CLSTN1: variants seen among roughly 807,000 people sequenced by gnomAD.
The protein encoded by CLSTN1 is calsyntenin 1, also known as calsyntenin-1.
CLSTN1 carries 28 observed loss-of-function variants against 108.3 expected under a neutral mutation model. The observed-to-expected ratio is 0.26, with a 90% confidence interval of 0.19 to 0.35. The LOEUF is 0.35. Among genes scored for constraint, CLSTN1 ranks in the 10% least tolerant of loss-of-function variants. The pLI, the probability that CLSTN1 is intolerant of heterozygous loss-of-function variation, is 1.00. For missense variants in CLSTN1, 1,157 were observed against 1,302.6 expected (o/e 0.89, Z 1.72); for synonymous variants, 524 against 534.9 (o/e 0.98, Z 0.28).
chr1:9,731,938 G>A, intron 16 of CLSTN1, 42 bp from the exon 17 acceptor site: 1 of 1,612,554 alleles, frequency 6.2e-7, no homozygotes, highest in Non-Finnish European at 8.5e-7. Context: ...CAGGCATCCT[G>A]AGCCTGTCCA....
At chr1:9,797,536 G>A (rs1335156023) in intron 1 of CLSTN1, among the ~76,000 whole-genome samples, 1 of 152,122 alleles carries the variant, frequency 6.6e-6, no homozygotes, top group Non-Finnish European at 1.5e-5. Context: ...ATCTACTTGG[G>A]AGGCTCAGGC....
In CLSTN1 at chr1:9,749,612, G is replaced by T. The variant is rs760385634; in HGVS notation, c.834C>A (p.Thr278=). ...WNNRIEYEPG[T]GALAVFPNIH... is the part of the protein sequence containing the mutation. ...TATTTGGAAAGACGGCCAACGCGCC[G>T]GTGCCCGGCTCATACTCAATCCTGT... The change falls in exon 7 of 19, where the codon ACC becomes ACA. Residue 278 remains threonine (T), a synonymous_variant. Coordinates refer to ENST00000377298, the MANE Select transcript of CLSTN1 (RefSeq NM_001009566.3). 1 of 1,614,186 alleles carries T rather than the reference G, an allele frequency of 6.2e-7. No individual in the cohort carries two copies. Among genetic ancestry groups the T allele is most frequent in the Non-Finnish European group, 8.5e-7 (1 of 1,180,004 alleles).
intron 1 of CLSTN1, among the ~76,000 whole-genome samples, chr1:9,788,298 C>T (rs1051428626): frequency 3.3e-5 from 5 of 151,306 alleles, no homozygotes; most frequent in Non-Finnish European, 5.9e-5. Flanking sequence ...AGGCCAGATG[C>T]GGTAGCTCAT....
intron 1 of CLSTN1, among the ~76,000 whole-genome samples, chr1:9,805,858 C>T (rs1654482457): frequency 7.6e-6 from 1 of 131,484 alleles, no homozygotes; most frequent in African/African-American, 3.1e-5. Flanking sequence ...CAGAGCAAGA[C>T]TCTGTCTCAA....
intron 18 of CLSTN1, 128 bp downstream of exon 18, chr1:9,731,078 C>T (rs752167355): frequency 6.4e-5 from 72 of 1,129,400 alleles, no homozygotes; most frequent in Non-Finnish European, 9.5e-5. Context: ...GACACCTAAG[C>T]CCCAGGCTTG....
At position 9,735,068 on chromosome 1, in the gene CLSTN1, C is replaced by A. The variant is rs1426847807; in HGVS notation, c.1990G>T (p.Ala664Ser). The change falls in exon 14 of 19, where the codon GCC becomes TCC. Residue 664 changes from alanine (A) to serine (S), a missense_variant. Transcript: ENST00000377298. ...CTTTCAAATTCAGAAGCTGCTCGGG[C>A]AAAATGGTGGACGCCACTCAGGCTG... ...KISLSGVHHF[A>S]RAASEFESSE... is the part of the protein sequence containing the mutation. 2.5e-6 allele frequency: 4 copies of A among 1,614,074 alleles called. No individual in the cohort carries two copies. Among genetic ancestry groups the A allele is most frequent in the Non-Finnish European group, 3.4e-6 (4 of 1,180,040 alleles).
At chr1:9,757,330 C>G (rs1294095603) in intron 2 of CLSTN1, among the ~76,000 whole-genome samples, 2 of 150,966 alleles carry the variant, frequency 1.3e-5, no homozygotes, top group African/African-American at 4.9e-5. Context: ...CAAGCTCCGC[C>G]TCCCTGGTTC....
chr1:9,744,927 C>A (rs1403418137), intron 7 of CLSTN1, among the ~76,000 whole-genome samples: 1 of 151,956 alleles, frequency 6.6e-6, no homozygotes, highest in Non-Finnish European at 1.5e-5. Flanking sequence ...CTAATTTTTG[C>A]ATTTTCAGGA....
chr1:9,739,959 G>A (rs977218988), intron 10 of CLSTN1, among the ~76,000 whole-genome samples: 5 of 151,962 alleles, frequency 3.3e-5, no homozygotes, highest in African/African-American at 1.2e-4. Context: ...TGGGACCACA[G>A]GCACCCGCCA....
chr1:9,761,377 C>T (rs1410619637), intron 2 of CLSTN1, among the ~76,000 whole-genome samples: 2 of 151,972 alleles, frequency 1.3e-5, no homozygotes, highest in African/African-American at 2.4e-5. Context: ...CCTGAGGTCC[C>T]GGCTACTTGG....
At chr1:9,810,886 CTCTCTGT>C (rs1318211137) in intron 1 of CLSTN1, among the ~76,000 whole-genome samples, 62 of 152,276 alleles carry the variant, frequency 4.1e-4, no homozygotes, top group African/African-American at 1.3e-3. Context: ...ATCCTCTCTC[CTCTCTGT>C]TCTCTGATCA....
chr1:9,751,073 A>C (rs995968841), intron 5 of CLSTN1, among the ~76,000 whole-genome samples: 11 of 152,092 alleles, frequency 7.2e-5, no homozygotes, highest in South Asian at 2.1e-4. Flanking sequence ...TCAAAAAAAA[A>C]CCACAAAAAC....
intron 2 of CLSTN1, among the ~76,000 whole-genome samples, chr1:9,766,225 T>C (rs192238762): frequency 1.8e-4 from 28 of 152,054 alleles, no homozygotes; most frequent in Admixed American, 7.9e-4. Context: ...CACCACCTCC[T>C]AGAAGGAGGA....
intron 2 of CLSTN1, 103 bp downstream of exon 2, chr1:9,773,169 T>A: frequency 6.8e-7 from 1 of 1,478,920 alleles, no homozygotes; most frequent in Non-Finnish European, 9.3e-7. Flanking sequence ...CCCTCAGCTA[T>A]GGAGACATTT....
At chr1:9,756,910 CT>C (rs1651840578) in intron 2 of CLSTN1, among the ~76,000 whole-genome samples, 1 of 151,932 alleles carries the variant, frequency 6.6e-6, no homozygotes, top group South Asian at 2.1e-4. Context: ...TCCCGAGTAG[CT>C]GGGACTACAG....
chr1:9,799,669 G>A (rs1361755229), intron 1 of CLSTN1, among the ~76,000 whole-genome samples: 2 of 149,202 alleles, frequency 1.3e-5, no homozygotes, highest in Admixed American at 6.7e-5. Flanking sequence ...AATGCCAGGC[G>A]CGGTGACTCA....
At chr1:9,786,783 C>T (rs1249280664) in intron 1 of CLSTN1, among the ~76,000 whole-genome samples, 1 of 151,386 alleles carries the variant, frequency 6.6e-6, no homozygotes, top group East Asian at 2.0e-4. Flanking sequence ...GGCATGGGCT[C>T]ACCACTACCC....
chr1:9,738,531 G>A (rs1179021353), intron 10 of CLSTN1, among the ~76,000 whole-genome samples: 2 of 152,226 alleles, frequency 1.3e-5, no homozygotes, highest in Admixed American at 6.5e-5. Flanking sequence ...AGAAGGGAAT[G>A]AAGCTGCTGC....
At position 9,749,514 on chromosome 1, in the gene CLSTN1, C is replaced by A. The variant is rs1459933010; in HGVS notation, c.932G>T (p.Gly311Val). 6.2e-7 allele frequency: 1 copy of A among 1,614,054 alleles called. No individual in the cohort carries two copies. The highest frequency in any genetic ancestry group is 8.5e-7 in the Non-Finnish European group (1 of 1,180,044). The change falls in exon 7 of 19, where the codon GGG becomes GTG. Residue 311 changes from glycine (G) to valine (V), a missense_variant. Coordinates refer to ENST00000377298, the MANE Select transcript of CLSTN1 (RefSeq NM_001009566.3). ...ATVELETSHI[G>V]KGCDRDTYSE... The stretch of plus-strand genomic sequence containing the variant: ...GTAGGTGTCTCGGTCGCAGCCTTTC[C>A]CTATGTGGCTGGTTTCTAGCTCCAC...
Sources: allele counts gnomAD v4.1 joint callset (sites outside exome capture counted in the v4.1 genomes callset), GRCh38; gene constraint gnomAD v4.1.1; transcripts MANE v1.5; gene names NCBI Gene and HGNC (gene_info 2026-07-23, HGNC 2026-07-21).